Variants in MYO16 observed in about 807,000 individuals in gnomAD.
MYO16 encodes the protein unconventional myosin-XVI.
In MYO16, 94 loss-of-function variants were observed where a neutral mutation model predicts 205.3. The ratio of observed to expected loss-of-function variants is 0.46; its 90% CI spans 0.39 to 0.54. The LOEUF is 0.54. Ranked by LOEUF, MYO16 falls within the 20% of genes least tolerant of loss-of-function variation. The pLI, the probability that MYO16 is intolerant of heterozygous loss-of-function variation, is 0.00. For synonymous variants in MYO16, 988 were observed against 954.0 expected (o/e 1.04, Z -0.66); for missense variants, 2,315 against 2,387.5 (o/e 0.97, Z 0.63).
At chr13:109,205,021 C>T (rs1028872684) in intron 34 of MYO16, among the ~76,000 whole-genome samples, 4 of 150,500 alleles carry the variant, frequency 2.7e-5, no homozygotes, top group Admixed American at 2.0e-4. Flanking sequence ...TTTCTCATTT[C>T]CAGGCCATTC....
intron 6 of MYO16, among the ~76,000 whole-genome samples, chr13:108,800,120 T>A (rs1429211227): frequency 6.6e-6 from 1 of 152,144 alleles, no homozygotes; most frequent in East Asian, 1.9e-4. Flanking sequence ...TTGAGGACAC[T>A]CCAGATTTTC....
At chr13:108,677,336 T>TGTATATATATATATGC (rs1491309887) in intron 2 of MYO16, among the ~76,000 whole-genome samples, 1 of 86,652 alleles carries the variant, frequency 1.2e-5, no homozygotes, top group African/African-American at 5.5e-5. Flanking sequence ...TGTGTGTGTG[T>TGTATATATATATATGC]ATATATATAT....
chr13:109,055,044 A>G lies in MYO16; in HGVS notation c.3049-2A>G, dbSNP rs758793625. On this transcript the variant is annotated splice_acceptor_variant, in intron 25 of 34. Transcript: ENST00000457511. LOFTEE classifies it high-confidence loss of function. This position sits in a 1 kb window ranked among gnomAD's most constrained non-coding sequence, Gnocchi z 5.0. ...TCCTTCTTGTCTTTCTTTTTATTACAGTTATTAAAAAAGAAAGGAACTTCT... is the reference window on the plus strand; with the variant it reads ...TCCTTCTTGTCTTTCTTTTTATTACGGTTATTAAAAAAGAAAGGAACTTCT... The G allele has an allele frequency of 3.9e-6, 6 of 1,525,386 alleles. No homozygotes were observed. In the East Asian group the frequency reaches 9.3e-5, roughly 24 times the overall value. 94.5% of individuals were successfully genotyped at this position (1,525,386 alleles called of 1,614,324 possible). A position where few individuals can be genotyped will look rare whatever the true frequency, so the allele number is the denominator to read the frequency against.
intron 12 of MYO16, among the ~76,000 whole-genome samples, chr13:108,875,801 G>A (rs945714512): frequency 6.6e-6 from 1 of 152,052 alleles, no homozygotes; most frequent in African/African-American, 2.4e-5. Flanking sequence ...TTGACCCCAG[G>A]GGGTGGAGTC....
chr13:108,603,091 G>A (rs919842214), intron 1 of MYO16, among the ~76,000 whole-genome samples: 2 of 152,106 alleles, frequency 1.3e-5, no homozygotes, highest in African/African-American at 2.4e-5. Flanking sequence ...TTTGCTCTTT[G>A]TTTTAAAAAA....
At chr13:109,107,240 G>A (rs1889146923) in intron 28 of MYO16, among the ~76,000 whole-genome samples, 1 of 152,118 alleles carries the variant, frequency 6.6e-6, no homozygotes, top group Admixed American at 6.5e-5. Context: ...TGTGAACAAA[G>A]AAATTCACAA....
chr13:108,555,459 T>C, the MYO16 span, among the ~76,000 whole-genome samples: 2 of 152,140 alleles, frequency 1.3e-5, no homozygotes, highest in Non-Finnish European at 2.9e-5. Flanking sequence ...ATAGAAAAGA[T>C]TGAGAGGCCA....
chr13:108,589,293 T>C, the MYO16 span, among the ~76,000 whole-genome samples: 3 of 152,340 alleles, frequency 2.0e-5, no homozygotes, highest in East Asian at 5.8e-4. Context: ...CTAATTATCA[T>C]TGTTAACCTG....
At chr13:108,939,088 A>G (rs1882614731) in intron 16 of MYO16, among the ~76,000 whole-genome samples, 1 of 152,234 alleles carries the variant, frequency 6.6e-6, no homozygotes, top group South Asian at 2.1e-4. Flanking sequence ...AGGCTCTCCA[A>G]TCTCAGGCCC....
intron 1 of MYO16, among the ~76,000 whole-genome samples, chr13:108,614,919 A>C (rs552344420): frequency 1.6e-5 from 2 of 122,064 alleles, no homozygotes; most frequent in Non-Finnish European, 3.6e-5. Flanking sequence ...GGTTTCTTAG[A>C]TATCATGCCA....
In MYO16 at chr13:108,609,357, C is replaced by T. The variant is rs561200434; in HGVS notation, c.-39+13118C>T. Among the ~76,000 whole-genome samples the T allele has an allele frequency of 6.6e-5, 10 of 152,338 alleles. No homozygotes were observed. The East Asian group carries it at 1.5e-3, about 23-fold the overall frequency. On this transcript the variant is annotated intron_variant, in intron 1 of 24. Coordinates refer to the MYO16 transcript ENST00000251041. The stretch of plus-strand genomic sequence containing the variant: ...ACAGTGGGAGTGCTCTGGGCCACCA[C>T]GGTTCCTTAACGCTTAGCCTTTCTC...
At chr13:108,637,892 A>T (rs1566520329) in intron 1 of MYO16, among the ~76,000 whole-genome samples, 2 of 152,106 alleles carry the variant, frequency 1.3e-5, no homozygotes, top group South Asian at 2.1e-4. Context: ...TTAATTAATT[A>T]AAAATAAAGA....
Position 108,666,018 on chromosome 13 carries a change from A to G in MYO16, c.161A>G (p.Tyr54Cys), listed in dbSNP as rs574447181. The change falls in exon 2 of 35, where the codon TAT becomes TGT. Residue 54 changes from tyrosine (Y) to cysteine (C), a missense_variant. By Grantham distance (194) the Tyr-to-Cys change is radical (BLOSUM62 -2). Around this residue, in one of 3 missense-constraint regions of MYO16, gnomAD observed 1,213 missense variants for 1,274.4 expected, o/e 0.95. Coordinates refer to ENST00000457511, the MANE Select transcript of MYO16 (RefSeq NM_001198950.3). ...RMRCEQIKAY[Y>C]EREKAFQKQE... ...CGCTGTGAGCAAATCAAAGCCTACT[A>G]TGAGCGCGAGAAGGCTTTTCAGAAG... is the stretch of plus-strand genomic sequence containing the variant. 9 of 1,614,118 alleles carry G rather than the reference A, an allele frequency of 5.6e-6. No individual in the cohort carries two copies. The highest frequency in any genetic ancestry group is 2.7e-5 in the African/African-American group (2 of 75,042).
chr13:108,688,311 G>A (rs1040210114), intron 2 of MYO16, among the ~76,000 whole-genome samples: 3 of 152,030 alleles, frequency 2.0e-5, no homozygotes, highest in Non-Finnish European at 2.9e-5. Context: ...TGAACAAGTC[G>A]GAAACGTTAA....
chr13:108,788,673 C>A (rs774470020), intron 5 of MYO16, among the ~76,000 whole-genome samples: 4 of 152,198 alleles, frequency 2.6e-5, no homozygotes, highest in Non-Finnish European at 5.9e-5. Context: ...GTGGTTCAGC[C>A]CACTGAAGTT....
At chr13:109,022,314 ATTATATACAAATATATATTTATATAT>A (rs1886069155) in intron 23 of MYO16, among the ~76,000 whole-genome samples, 1 of 15,258 alleles carries the variant, frequency 6.6e-5, no homozygotes, top group Admixed American at 1.0e-3. Flanking sequence ...ATATTTATAT[ATTATATACAAATATATATTTATATAT>A]TATATACAAA....
At chr13:108,824,106 T>C (rs1876130401) in intron 9 of MYO16, among the ~76,000 whole-genome samples, 1 of 152,074 alleles carries the variant, frequency 6.6e-6, no homozygotes, top group Non-Finnish European at 1.5e-5. Context: ...TGTGGGACCT[T>C]GTAAAATCTG....
chr13:108,640,301 C>G (rs10083272), intron 1 of MYO16, among the ~76,000 whole-genome samples: 14,266 of 152,098 alleles, frequency 0.094, 1,246 homozygotes, highest in African/African-American at 0.23. Flanking sequence ...GCAGGCAGGA[C>G]CAGCATCCTC....
chr13:108,601,290 A>G (rs915165397), intron 1 of MYO16, among the ~76,000 whole-genome samples: 1 of 152,082 alleles, frequency 6.6e-6, no homozygotes, highest in Non-Finnish European at 1.5e-5. Context: ...CTGTTAGAGA[A>G]TTTCCTGTTA....
Sources: allele counts gnomAD v4.1 joint callset (sites outside exome capture counted in the v4.1 genomes callset), GRCh38; gene constraint gnomAD v4.1.1; regional missense constraint gnomAD v4.1.1; non-coding constraint Gnocchi (gnomAD v3.1); transcripts MANE v1.5; gene names NCBI Gene and HGNC (gene_info 2026-07-23, HGNC 2026-07-21).